CNTLN: variants seen among roughly 807,000 people sequenced by gnomAD.
CNTLN encodes the protein centlein, centrosomal protein.
A neutral mutation model predicts 180.0 loss-of-function variants in CNTLN; 212 were observed. That is an observed-to-expected ratio of 1.18 (90% CI 1.05 to 1.32). The LOEUF is 1.32. CNTLN is among the 40% of genes most tolerant of loss of function. The pLI is 0.00. For missense variants in CNTLN, 2,095 were observed against 1,610.9 expected (o/e 1.30, Z -5.14); for synonymous variants, 722 against 563.1 (o/e 1.28, Z -3.99).
At chr9:17,266,134 G>A (rs1304487559) in intron 5 of CNTLN, among the ~76,000 whole-genome samples, 6 of 118,702 alleles carry the variant, frequency 5.1e-5, no homozygotes, top group African/African-American at 2.2e-4. Context: ...TGAAGTTAGG[G>A]TGTCAGTTTT....
At chr9:17,283,074 C>T (rs190561538) in intron 6 of CNTLN, among the ~76,000 whole-genome samples, 1 of 152,174 alleles carries the variant, frequency 6.6e-6, no homozygotes, top group East Asian at 1.9e-4. Context: ...TATACGGGCT[C>T]TTTTTTGGTT....
chr9:17,526,744 AATT>A, the CNTLN span, among the ~76,000 whole-genome samples: 14 of 38,320 alleles, frequency 3.7e-4, no homozygotes, highest in Non-Finnish European at 1.5e-3. Flanking sequence ...CATGTAAAAA[AATT>A]AATTAATTTA....
At chr9:17,468,814 T>A (rs1831898614) in intron 23 of CNTLN, among the ~76,000 whole-genome samples, 1 of 151,752 alleles carries the variant, frequency 6.6e-6, no homozygotes, top group Admixed American at 6.6e-5. Context: ...TAGTATTTAA[T>A]GATGAAGTGG....
At chr9:17,335,290 G>A (rs1243622988) in intron 10 of CNTLN, among the ~76,000 whole-genome samples, 3 of 152,280 alleles carry the variant, frequency 2.0e-5, no homozygotes, top group Admixed American at 6.5e-5. Flanking sequence ...AGGCCAAGCC[G>A]GGTGGATCAC....
intron 2 of CNTLN, among the ~76,000 whole-genome samples, chr9:17,155,847 T>C (rs1819243954): frequency 6.6e-6 from 1 of 152,076 alleles, no homozygotes; most frequent in South Asian, 2.1e-4. Flanking sequence ...GTTTTGTGCT[T>C]GAAACCCAGG....
chr9:17,144,066 C>T (rs990556017), intron 2 of CNTLN, among the ~76,000 whole-genome samples: 1 of 152,078 alleles, frequency 6.6e-6, no homozygotes, highest in Admixed American at 6.6e-5. Flanking sequence ...ATATGGATAC[C>T]TTTTCCTTTT....
chr9:17,350,512 G>A (rs1043005730), intron 12 of CNTLN, among the ~76,000 whole-genome samples: 1 of 152,282 alleles, frequency 6.6e-6, no homozygotes, highest in Non-Finnish European at 1.5e-5. Context: ...AGGGACACAA[G>A]GCAGGGAAAG....
intron 18 of CNTLN, among the ~76,000 whole-genome samples, chr9:17,430,304 T>C (rs546480524): frequency 6.6e-6 from 1 of 152,138 alleles, no homozygotes; most frequent in Non-Finnish European, 1.5e-5. Flanking sequence ...TTTTCAATTG[T>C]CACCCATTAG....
chr9:17,142,101 A>AAAG (rs1037789093), intron 1 of CNTLN, among the ~76,000 whole-genome samples: 37 of 151,328 alleles, frequency 2.4e-4, no homozygotes, highest in East Asian at 7.8e-4. Context: ...AAAAAAAAAA[A>AAAG]AAGAAGAATA....
At chr9:17,430,521 T>C (rs1396836992) in intron 18 of CNTLN, among the ~76,000 whole-genome samples, 1 of 152,078 alleles carries the variant, frequency 6.6e-6, no homozygotes, top group Non-Finnish European at 1.5e-5. Flanking sequence ...ATAATATCCA[T>C]GATCTCAAAA....
At chr9:17,193,641 G>A (rs1306126397) in intron 2 of CNTLN, among the ~76,000 whole-genome samples, 1 of 152,108 alleles carries the variant, frequency 6.6e-6, no homozygotes, top group Non-Finnish European at 1.5e-5. Context: ...TGCCTTCACG[G>A]GCTGGCATCG....
intron 7 of CNTLN, chr9:17,300,407 T>G (rs958497097): frequency 5.3e-5 from 8 of 152,136 alleles, no homozygotes; most frequent in Admixed American, 1.3e-4. Flanking sequence ...CTACTTAATA[T>G]CTCTTCACTT....
intron 25 of CNTLN, among the ~76,000 whole-genome samples, chr9:17,488,288 A>C (rs1436553894): frequency 6.6e-6 from 1 of 151,444 alleles, no homozygotes; most frequent in Non-Finnish European, 1.5e-5. Context: ...GTAGATGTGC[A>C]GGTGCTAGAC....
chr9:17,193,534 G>C (rs1821924739), intron 2 of CNTLN, among the ~76,000 whole-genome samples: 1 of 152,130 alleles, frequency 6.6e-6, no homozygotes, highest in Non-Finnish European at 1.5e-5. Context: ...TTGACTCCAG[G>C]TCTCACATCC....
intron 6 of CNTLN, among the ~76,000 whole-genome samples, chr9:17,295,586 C>T (rs1026055179): frequency 2.6e-5 from 4 of 152,084 alleles, no homozygotes; most frequent in Non-Finnish European, 5.9e-5. Context: ...TGTTTTTGTT[C>T]TTCTTGGTGG....
intron 8 of CNTLN, among the ~76,000 whole-genome samples, chr9:17,318,580 C>G (rs980244377): frequency 2.0e-5 from 3 of 152,112 alleles, no homozygotes; most frequent in Admixed American, 1.3e-4. Flanking sequence ...TGAATTCATG[C>G]TTTTCAGATC....
chr9:17,453,226 T>A (rs1830895559), intron 18 of CNTLN, among the ~76,000 whole-genome samples: 1 of 151,996 alleles, frequency 6.6e-6, no homozygotes, highest in Non-Finnish European at 1.5e-5. Flanking sequence ...GGCAGGAGGA[T>A]CCCTTGAGCC....
the CNTLN span, among the ~76,000 whole-genome samples, chr9:17,521,376 A>G: frequency 1.1e-4 from 17 of 151,710 alleles, no homozygotes; most frequent in African/African-American, 4.1e-4. Context: ...AAAAGAGAAC[A>G]CTCCTGTGAT....
chr9:17,426,369 T>A (rs916499386), intron 18 of CNTLN, among the ~76,000 whole-genome samples: 2 of 152,140 alleles, frequency 1.3e-5, no homozygotes, highest in Non-Finnish European at 2.9e-5. Flanking sequence ...AACTTCTAAA[T>A]TGTAGTAAGA....
Sources: allele counts gnomAD v4.1 joint callset (sites outside exome capture counted in the v4.1 genomes callset), GRCh38; gene constraint gnomAD v4.1.1; transcripts MANE v1.5; gene names NCBI Gene and HGNC (gene_info 2026-07-23, HGNC 2026-07-21).